DYNC1LI1: variants seen among roughly 807,000 people sequenced by gnomAD.
DYNC1LI1 encodes the protein dynein cytoplasmic 1 light intermediate chain 1, also known as cytoplasmic dynein 1 light intermediate chain 1.
DYNC1LI1 carries 19 observed loss-of-function variants against 63.8 expected under a neutral mutation model. The observed-to-expected ratio is 0.30, with a 90% CI of 0.21 to 0.44. The LOEUF (loss-of-function observed/expected upper bound fraction) is 0.44, where lower values mean the gene tolerates loss of function less well. DYNC1LI1 is among the 20% of genes least tolerant of loss of function. The pLI is 1.00. For synonymous variants in DYNC1LI1, 225 were observed against 232.3 expected (o/e 0.97, Z 0.28); for missense variants, 565 against 630.2 (o/e 0.90, Z 1.11).
At chr3:32,557,916 T>A (rs1452451168) in intron 2 of DYNC1LI1, among the ~76,000 whole-genome samples, 1 of 152,224 alleles carries the variant, frequency 6.6e-6, no homozygotes, top group Non-Finnish European at 1.5e-5. Flanking sequence ...AGCCCTTCCA[T>A]AAAGAACCCT....
At chr3:32,559,650 T>C (rs1575159219) in intron 2 of DYNC1LI1, among the ~76,000 whole-genome samples, 1 of 152,300 alleles carries the variant, frequency 6.6e-6, no homozygotes, top group African/African-American at 2.4e-5. Context: ...ACTTTAATGA[T>C]AATAGCTATC....
At chr3:32,541,443 C>T (rs532840454) in intron 4 of DYNC1LI1, among the ~76,000 whole-genome samples, 2 of 152,262 alleles carry the variant, frequency 1.3e-5, no homozygotes, top group South Asian at 4.1e-4. Flanking sequence ...AGGGTTCTAT[C>T]TAGACCTGGC....
chr3:32,535,338 T>A (rs184869905), intron 6 of DYNC1LI1, among the ~76,000 whole-genome samples: 1 of 152,326 alleles, frequency 6.6e-6, no homozygotes, highest in African/African-American at 2.4e-5. Flanking sequence ...ATGTGACCAC[T>A]GACAGATGAT....
chr3:32,567,238 C>T (rs2125447308), intron 2 of DYNC1LI1, among the ~76,000 whole-genome samples: 1 of 152,284 alleles, frequency 6.6e-6, no homozygotes, highest in Middle Eastern at 3.4e-3. Flanking sequence ...TAACAGGTCT[C>T]TACAATTCAT....
At chr3:32,566,874 G>A (rs888295119) in intron 2 of DYNC1LI1, 1 of 274,334 alleles carries the variant, frequency 3.6e-6, no homozygotes, top group South Asian at 3.0e-5. Context: ...AAATACATGT[G>A]CAAGAAGTCC....
intron 2 of DYNC1LI1, among the ~76,000 whole-genome samples, chr3:32,565,861 G>A (rs1698251501): frequency 6.6e-6 from 1 of 152,164 alleles, no homozygotes; most frequent in South Asian, 2.1e-4. Context: ...CACCCCCTCA[G>A]CCTCCTAAAG....
intron 5 of DYNC1LI1, chr3:32,537,327 T>C (rs901448075): frequency 3.8e-6 from 1 of 263,282 alleles, no homozygotes; most frequent in African/African-American, 2.2e-5. Flanking sequence ...AACGTTAATG[T>C]TAAATCTGGT....
At chr3:32,530,865 G>A (rs1309500919) in intron 8 of DYNC1LI1, 2 of 214,582 alleles carry the variant, frequency 9.3e-6, no homozygotes, top group Admixed American at 5.2e-5. Context: ...AGTGGCTACC[G>A]TATTGAACAG....
At chr3:32,538,467 G>A (rs1697831432) in intron 5 of DYNC1LI1, among the ~76,000 whole-genome samples, 2 of 151,926 alleles carry the variant, frequency 1.3e-5, no homozygotes, top group African/African-American at 4.8e-5. Context: ...TTGGGAGGTC[G>A]AGGTGGGCAG....
chr3:32,530,200 T>C, intron 10 of DYNC1LI1, 84 bp downstream of exon 10: 2 of 1,141,760 alleles, frequency 1.8e-6, no homozygotes, highest in Non-Finnish European at 2.5e-6. Context: ...CACACCCATA[T>C]GAAATATGTA....
At chr3:32,537,909 ATATAATT>A (rs1559436075) in intron 5 of DYNC1LI1, among the ~76,000 whole-genome samples, 1,264 of 82,060 alleles carry the variant, frequency 0.015, 183 homozygotes, top group African/African-American at 0.064. Flanking sequence ...TAATATATAT[ATATAATT>A]TATATATATA....
At position 32,537,921 on chromosome 3, in the gene DYNC1LI1, TATATA is replaced by T. The variant is rs1559436117; in HGVS notation, c.739-822_739-818del. ...ATATAATATATATATATAATTTATA[TATATA>T]ATATATATATAATATATATATAATT... is the stretch of plus-strand genomic sequence containing the variant. On this transcript the variant is annotated intron_variant, in intron 5 of 12. Transcript: ENST00000273130. 6.0e-4 allele frequency among the ~76,000 whole-genome samples: 16 copies of T among 26,714 alleles called. 2 individuals carry two copies. Among genetic ancestry groups the T allele is most frequent in the African/African-American group, 3.0e-3 (16 of 5,296 alleles). The allele number at this position is 26,714 out of a possible 152,430, so 17.5% of individuals were successfully genotyped here.
At chr3:32,527,150 C>T (rs930074116) in intron 12 of DYNC1LI1, among the ~76,000 whole-genome samples, 3 of 151,878 alleles carry the variant, frequency 2.0e-5, no homozygotes, top group Non-Finnish European at 2.9e-5. Flanking sequence ...GAGACCAGCC[C>T]GGCCAACATG....
chr3:32,552,688 T>C (rs1343093991), intron 2 of DYNC1LI1, among the ~76,000 whole-genome samples: 1 of 152,162 alleles, frequency 6.6e-6, no homozygotes, highest in Non-Finnish European at 1.5e-5. Context: ...GCAAAATGTA[T>C]ACTTTTGCTG....
At chr3:32,561,032 A>AAAAAAAAAAAAAAAAAAC (rs1559444480) in intron 2 of DYNC1LI1, among the ~76,000 whole-genome samples, 1 of 118,766 alleles carries the variant, frequency 8.4e-6, no homozygotes, top group African/African-American at 3.7e-5. Context: ...AAAAAAAAAA[A>AAAAAAAAAAAAAAAAAAC]ACAAACAAAA....
chr3:32,547,040 C>T (rs1184798477), intron 2 of DYNC1LI1, among the ~76,000 whole-genome samples: 1 of 152,012 alleles, frequency 6.6e-6, no homozygotes, highest in African/African-American at 2.4e-5. Context: ...GTCAGGAGTT[C>T]AGACCAGCCT....
In DYNC1LI1 at chr3:32,526,800, C is replaced by T; in HGVS notation, c.1571G>A (p.Ter524=). ...PTSPTEGEAS[*] Reference sequence around the variant, plus strand: ...AATAAATGGCTTTATTTGGTATCTTCAAGAAGCTTCTCCTTCCGTAGGAGA... The same window carrying T: ...AATAAATGGCTTTATTTGGTATCTTTAAGAAGCTTCTCCTTCCGTAGGAGA... Residue 524 remains the stop codon, a stop_retained_variant, in exon 13 of 13, where the codon TGA becomes TAA. Transcript: ENST00000273130. 6.2e-7 allele frequency: 1 copy of T among 1,605,106 alleles called. No homozygotes were observed. Among genetic ancestry groups the T allele is most frequent in the African/African-American group, 1.3e-5 (1 of 74,834 alleles).
Position 32,544,991 on chromosome 3 carries a change from G to A in DYNC1LI1, c.453C>T (p.Asp151=). Residue 151 remains aspartate, a synonymous_variant, in exon 4 of 13, where the codon GAC becomes GAT. Transcript: ENST00000273130. ...LKDTLVMLVV[D]MSKPWTALDS... is the part of the protein sequence containing the mutation. The stretch of plus-strand genomic sequence containing the variant: ...CCAAAGCAGTCCAAGGCTTTGACAT[G>A]TCAACAACCAGCATAACTAGAGTAT... 1.2e-6 allele frequency: 2 copies of A among 1,614,028 alleles called. No individual in the cohort carries two copies. The highest frequency in any genetic ancestry group is 1.7e-6 in the Non-Finnish European group (2 of 1,179,900).
intron 5 of DYNC1LI1, among the ~76,000 whole-genome samples, chr3:32,537,960 T>A (rs1318486890): frequency 3.2e-4 from 1 of 3,172 alleles, no homozygotes; most frequent in Non-Finnish European, 5.6e-4. Flanking sequence ...TTTATATATA[T>A]AATATATATA....
Sources: gnomAD v4.1 joint callset for allele counts (sites outside exome capture counted in the v4.1 genomes callset) on GRCh38, gnomAD v4.1.1 for gene constraint, MANE v1.5 for transcripts, NCBI Gene and HGNC (gene_info 2026-07-23, HGNC 2026-07-21) for gene names.